CCDC73: variants seen among roughly 807,000 people sequenced by gnomAD.
The protein encoded by CCDC73 is coiled-coil domain-containing protein 73.
In CCDC73, 95 loss-of-function variants were observed where a neutral mutation model predicts 116.5. The ratio of observed to expected loss-of-function variants is 0.82; its 90% CI spans 0.69 to 0.97. The LOEUF (loss-of-function observed/expected upper bound fraction) is 0.97, where lower values mean the gene tolerates loss of function less well. CCDC73 is among the 50% of genes least tolerant of loss of function. CCDC73 has a pLI of 0.00. For synonymous variants in CCDC73, 398 were observed against 401.3 expected (o/e 0.99, Z 0.10); for missense variants, 1,066 against 1,206.8 (o/e 0.88, Z 1.73).
intron 2 of CCDC73, 33 bp downstream of exon 2, chr11:32,760,076 T>C (rs763649310): frequency 1.9e-6 from 3 of 1,549,840 alleles, no homozygotes; most frequent in South Asian, 2.4e-5. Flanking sequence ...CAAGTTTTCT[T>C]ATTTAACAAA....
chr11:32,706,004 T>C (rs1189332695), intron 3 of CCDC73, among the ~76,000 whole-genome samples: 1 of 116,088 alleles, frequency 8.6e-6, no homozygotes, highest in South Asian at 3.4e-4. Flanking sequence ...CCCAGATCTA[T>C]ATCAGCTGAA....
intron 2 of CCDC73, among the ~76,000 whole-genome samples, chr11:32,730,300 C>T (rs1189650922): frequency 6.6e-6 from 1 of 152,168 alleles, no homozygotes; most frequent in Non-Finnish European, 1.5e-5. Flanking sequence ...TTTTCCATTG[C>T]TATAGCTCTG....
the CCDC73 span, among the ~76,000 whole-genome samples, chr11:32,800,858 AG>A: frequency 6.6e-6 from 1 of 152,200 alleles, no homozygotes; most frequent in African/African-American, 2.4e-5. Context: ...TCAACACTTT[AG>A]GGGCAAAAAA....
chr11:32,665,767 A>G (rs1246615185), intron 9 of CCDC73, among the ~76,000 whole-genome samples: 1 of 152,080 alleles, frequency 6.6e-6, no homozygotes, highest in East Asian at 1.9e-4. Context: ...TGGTCTCTAC[A>G]TTTTGGCATG....
chr11:32,733,961 A>C (rs1011542069), intron 2 of CCDC73, among the ~76,000 whole-genome samples: 52 of 152,258 alleles, frequency 3.4e-4, no homozygotes, highest in African/African-American at 1.2e-3. Context: ...AAAACTCTTC[A>C]AAAAAATCAA....
intron 17 of CCDC73, among the ~76,000 whole-genome samples, chr11:32,607,849 A>C (rs1477276106): frequency 6.6e-6 from 1 of 152,170 alleles, no homozygotes; most frequent in Admixed American, 6.5e-5. Context: ...ACAGTTTCAC[A>C]TGACTGGGGA....
Position 32,685,222 on chromosome 11 carries a change from G to A in CCDC73, c.391-1648C>T, listed in dbSNP as rs915727012. Among the ~76,000 whole-genome samples the A allele has an allele frequency of 3.1e-5, 4 of 130,226 alleles. No individual in the cohort carries two copies. The South Asian group carries it at 1.1e-3, about 35-fold the overall frequency. The allele number at this position is 130,226 out of a possible 152,430, so 85.4% of individuals were successfully genotyped here. A position where few individuals can be genotyped will look rare whatever the true frequency, so the allele number is the denominator to read the frequency against. On this transcript the variant is annotated intron_variant, in intron 6 of 17. Coordinates refer to ENST00000335185, the MANE Select transcript of CCDC73 (RefSeq NM_001008391.4). The stretch of plus-strand genomic sequence containing the variant: ...CTTCCATAAATGTTGAATGCTTATT[G>A]TAAGTAAAGCATTGATATAGACATT...
the CCDC73 span, among the ~76,000 whole-genome samples, chr11:32,825,134 T>A: frequency 6.6e-6 from 1 of 151,936 alleles, no homozygotes; most frequent in Admixed American, 6.6e-5. Context: ...CATTCAAGAG[T>A]GTCAAGCCAG....
chr11:32,665,974 T>C (rs1384887369), intron 9 of CCDC73, among the ~76,000 whole-genome samples: 1 of 152,238 alleles, frequency 6.6e-6, no homozygotes, highest in African/African-American at 2.4e-5. Context: ...TTTAAGAATG[T>C]TGAATATATG....
intron 2 of CCDC73, among the ~76,000 whole-genome samples, chr11:32,721,526 G>A (rs1849989353): frequency 6.6e-6 from 1 of 151,936 alleles, no homozygotes; most frequent in East Asian, 1.9e-4. Context: ...ACATGTTGGA[G>A]AGAAACCAAA....
intron 7 of CCDC73, among the ~76,000 whole-genome samples, chr11:32,679,070 G>A (rs1856120351): frequency 6.6e-6 from 1 of 151,936 alleles, no homozygotes; most frequent in Non-Finnish European, 1.5e-5. Flanking sequence ...TGATATATCA[G>A]TTGAAAATTT....
intron 17 of CCDC73, among the ~76,000 whole-genome samples, chr11:32,610,135 T>G (rs1750783924): frequency 6.6e-6 from 1 of 152,012 alleles, no homozygotes; most frequent in South Asian, 2.1e-4. Context: ...GAAGAGAGCT[T>G]GTGCAGGGAA....
rs922863710 is a variant in CCDC73 at position 32,708,830 on chromosome 11, C to G, written c.208-5886G>C. Among the ~76,000 whole-genome samples the G allele has an allele frequency of 2.6e-5, 4 of 152,128 alleles. 1 individual carries two copies. The highest frequency in any genetic ancestry group is 1.3e-4 in the Admixed American group (2 of 15,274). On this transcript the variant is annotated intron_variant, in intron 3 of 17. Transcript: ENST00000335185. ...TTTTTGGATGAGTCTTTAGGGTTTT[C>G]TAGATATATGATCATACTATCCACA...
At chr11:32,820,105 G>T in the CCDC73 span, among the ~76,000 whole-genome samples, 2 of 152,184 alleles carry the variant, frequency 1.3e-5, no homozygotes, top group East Asian at 3.8e-4. Flanking sequence ...GGGGAACTCA[G>T]TTCACTTTGT....
At chr11:32,774,565 ACATGATGG>A (rs1286603598) in intron 1 of CCDC73, among the ~76,000 whole-genome samples, 2 of 152,298 alleles carry the variant, frequency 1.3e-5, no homozygotes, top group South Asian at 2.1e-4. Flanking sequence ...CTCAAAGAAT[ACATGATGG>A]CATTTCAGAA....
At chr11:32,603,932 T>A (rs1259312609) in intron 17 of CCDC73, 1 of 152,174 alleles carries the variant, frequency 6.6e-6, no homozygotes, top group Non-Finnish European at 1.5e-5. Flanking sequence ...CTGGGCATGG[T>A]GGCATGCAAC....
intron 9 of CCDC73, among the ~76,000 whole-genome samples, chr11:32,664,783 T>C (rs900592925): frequency 6.6e-6 from 1 of 152,220 alleles, no homozygotes; most frequent in Non-Finnish European, 1.5e-5. Context: ...CTGCTTTCTC[T>C]TGTGGGCATT....
chr11:32,760,720 A>C (rs1029773586), intron 1 of CCDC73, among the ~76,000 whole-genome samples: 9 of 152,226 alleles, frequency 5.9e-5, no homozygotes, highest in African/African-American at 2.2e-4. Flanking sequence ...AAGATAGTTA[A>C]ATATTTTTCT....
chr11:32,737,231 C>CTGTGTGTGTG (rs200606807), intron 2 of CCDC73, among the ~76,000 whole-genome samples: 187 of 137,650 alleles, frequency 1.4e-3, no homozygotes, highest in Middle Eastern at 3.5e-3. Context: ...CATAGTAGGG[C>CTGTGTGTGTG]TGTGTGTGTG....
Sources: gnomAD v4.1 joint callset for allele counts (sites outside exome capture counted in the v4.1 genomes callset) on GRCh38, gnomAD v4.1.1 for gene constraint, MANE v1.5 for transcripts, NCBI Gene and HGNC (gene_info 2026-07-23, HGNC 2026-07-21) for gene names.